The following ST8SIA5 variants were observed in gnomAD, a reference collection of about 807,000 sequenced individuals.
ST8SIA5 encodes the protein ST8 alpha-N-acetyl-neuraminide alpha-2,8-sialyltransferase 5.
Under a neutral mutation model 40.2 loss-of-function variants are expected in ST8SIA5, and 24 were observed. That is an observed-to-expected ratio of 0.60 (90% confidence interval 0.43 to 0.84). The LOEUF (loss-of-function observed/expected upper bound fraction) is 0.84. ST8SIA5 is among the 40% of genes least tolerant of loss of function. The pLI is 0.00. For synonymous variants in ST8SIA5, 198 were observed against 201.8 expected (o/e 0.98, Z 0.16); for missense variants, 465 against 498.5 (o/e 0.93, Z 0.64).
At chr18:46,681,835 G>T in intron 6 of ST8SIA5, 137 bp downstream of exon 6, 2 of 753,236 alleles carry the variant, frequency 2.7e-6, no homozygotes, top group Admixed American at 5.7e-5. Flanking sequence ...TTTGTATTAA[G>T]TCTTTGAAAC....
intron 1 of ST8SIA5, among the ~76,000 whole-genome samples, chr18:46,713,095 C>T (rs984004775): frequency 6.6e-6 from 1 of 152,046 alleles, no homozygotes; most frequent in Non-Finnish European, 1.5e-5. Flanking sequence ...CATGGGGACT[C>T]GGCAGAGGAA....
chr18:46,707,828 C>A lies in ST8SIA5; in HGVS notation c.132-3164G>T, dbSNP rs546648711. ...TCCCTTTTACTATGTAAGGATACAG[C>A]AAGGAGATGCTGTTTATGAACCAGG... On this transcript the variant is annotated intron_variant, in intron 1 of 6. Transcript: ENST00000315087. 1.2e-4 allele frequency among the ~76,000 whole-genome samples: 19 copies of A among 152,282 alleles called. No individual in the cohort carries two copies. The South Asian group carries it at 1.7e-3, about 13-fold the overall frequency.
intron 1 of ST8SIA5, among the ~76,000 whole-genome samples, chr18:46,750,869 C>T (rs904050334): frequency 2.0e-5 from 3 of 152,316 alleles, no homozygotes; most frequent in African/African-American, 7.2e-5. Context: ...AATCCCATTG[C>T]TCACATCAGT....
At chr18:46,725,369 C>G (rs4890690) in intron 1 of ST8SIA5, among the ~76,000 whole-genome samples, 8,116 of 152,236 alleles carry the variant, frequency 0.053, 283 homozygotes, top group South Asian at 0.16. Flanking sequence ...TAGACTTCTT[C>G]CCACAGCATG....
rs922413366 is a variant in ST8SIA5, at chr18:46,672,505, T to C, written c.*7537A>G. ...TTAGTTGAAGGAAATGAGAGATTTG[T>C]TGCCATGGGAACCATCTTCAACTGA... is the stretch of plus-strand genomic sequence containing the variant. On this transcript the variant is annotated 3_prime_UTR_variant, in exon 7 of 7. Transcript: ENST00000315087. 6 of 152,208 alleles carry C rather than the reference T, an allele frequency of 3.9e-5. No homozygotes were observed. The highest frequency in any genetic ancestry group is 7.3e-5 in the Non-Finnish European group (5 of 68,046). The allele number at this position is 152,208 out of a possible 1,614,324, so 9.4% of individuals were successfully genotyped here.
intron 2 of ST8SIA5, among the ~76,000 whole-genome samples, chr18:46,698,317 C>T (rs1323390098): frequency 2.0e-5 from 3 of 151,464 alleles, no homozygotes; most frequent in Non-Finnish European, 2.9e-5. Flanking sequence ...ACAATCAAAA[C>T]AATCCAACAA....
In ST8SIA5 at chr18:46,671,197, G is replaced by A. The variant is rs2039307095; in HGVS notation, c.*8845C>T. ...GCTCTTGTCAACTTTGTCGCTGAAT[G>A]TGGAATTCTGAGCTCTCATGGGGGT... is the stretch of plus-strand genomic sequence containing the variant. On this transcript the variant is annotated 3_prime_UTR_variant, in exon 7 of 7. Coordinates refer to ENST00000315087, the MANE Select transcript of ST8SIA5 (RefSeq NM_013305.6). The A allele has an allele frequency of 6.6e-6, 1 of 152,216 alleles. No homozygotes were observed. 9.4% of individuals were successfully genotyped at this position (152,216 alleles called of 1,614,324 possible).
chr18:46,707,492 T>C (rs1043792711), intron 1 of ST8SIA5, among the ~76,000 whole-genome samples: 1 of 152,210 alleles, frequency 6.6e-6, no homozygotes, highest in African/African-American at 2.4e-5. Context: ...TCTTCCTTGG[T>C]TCCTCTTTCT....
intron 1 of ST8SIA5, among the ~76,000 whole-genome samples, chr18:46,729,211 C>T (rs2039962183): frequency 6.6e-6 from 1 of 152,186 alleles, no homozygotes; most frequent in African/African-American, 2.4e-5. Flanking sequence ...CCTACACCTT[C>T]TCATCCTGCC....
At chr18:46,706,380 C>T (rs965059947) in intron 1 of ST8SIA5, among the ~76,000 whole-genome samples, 5 of 152,186 alleles carry the variant, frequency 3.3e-5, no homozygotes, top group Admixed American at 6.5e-5. Flanking sequence ...GTACCCGGCT[C>T]GAGTAACCAC....
intron 1 of ST8SIA5, among the ~76,000 whole-genome samples, chr18:46,736,017 A>G (rs1398520881): frequency 2.6e-5 from 4 of 152,322 alleles, no homozygotes; most frequent in East Asian, 3.9e-4. Context: ...TGAATCTACA[A>G]TTCTCAAAAA....
At chr18:46,730,182 T>C in intron 1 of ST8SIA5, 1 of 985,176 alleles carries the variant, frequency 1.0e-6, no homozygotes, top group Non-Finnish European at 1.2e-6. Flanking sequence ...AGAGCTTCAA[T>C]AGCCATCCAA....
chr18:46,745,576 T>C (rs2040131667), intron 1 of ST8SIA5, among the ~76,000 whole-genome samples: 2 of 152,144 alleles, frequency 1.3e-5, no homozygotes, highest in African/African-American at 2.4e-5. Context: ...CAATAATTAA[T>C]AGCCTACCAA....
At chr18:46,745,802 A>T (rs1270239980) in intron 1 of ST8SIA5, among the ~76,000 whole-genome samples, 1 of 152,240 alleles carries the variant, frequency 6.6e-6, no homozygotes, top group Non-Finnish European at 1.5e-5. Context: ...ATAAACATCG[A>T]TGCAAAAGTC....
At chr18:46,754,789 C>A (rs1704382207) in intron 1 of ST8SIA5, among the ~76,000 whole-genome samples, 1 of 152,190 alleles carries the variant, frequency 6.6e-6, no homozygotes, top group Non-Finnish European at 1.5e-5. Flanking sequence ...AGAAGGAATC[C>A]CAGCAGCCCC....
intron 1 of ST8SIA5, among the ~76,000 whole-genome samples, chr18:46,746,473 A>T (rs937735296): frequency 2.0e-5 from 3 of 152,168 alleles, no homozygotes; most frequent in African/African-American, 7.2e-5. Context: ...CACAATTGCT[A>T]CAAAGAGAAT....
At chr18:46,743,138 A>G (rs956960253) in intron 1 of ST8SIA5, among the ~76,000 whole-genome samples, 2 of 152,224 alleles carry the variant, frequency 1.3e-5, no homozygotes, top group African/African-American at 4.8e-5. Context: ...AATTCTAAAA[A>G]CCAGGGTGCC....
chr18:46,733,027 C>T (rs551709564), intron 1 of ST8SIA5, among the ~76,000 whole-genome samples: 165 of 152,214 alleles, frequency 1.1e-3, no homozygotes, highest in South Asian at 3.3e-3. Flanking sequence ...GGACCCAGGG[C>T]TCCAGAAGCC....
At chr18:46,712,669 T>C (rs1212902813) in intron 1 of ST8SIA5, among the ~76,000 whole-genome samples, 2 of 152,316 alleles carry the variant, frequency 1.3e-5, no homozygotes, top group East Asian at 3.9e-4. Flanking sequence ...TTCTCCTCTT[T>C]GACTCATCAA....
Sources: allele counts gnomAD v4.1 joint callset (sites outside exome capture counted in the v4.1 genomes callset), GRCh38; gene constraint gnomAD v4.1.1; transcripts MANE v1.5; gene names NCBI Gene and HGNC (gene_info 2026-07-23, HGNC 2026-07-21).